Variants in TBC1D9 observed in about 807,000 individuals in gnomAD.
TBC1D9 encodes TBC1 domain family member 9A.
Under a neutral mutation model 132.0 loss-of-function variants are expected in TBC1D9, and 63 were observed. That is an observed-to-expected ratio of 0.48 (90% CI 0.39 to 0.59). The LOEUF is 0.59. TBC1D9 is among the 20% of genes least tolerant of loss of function. TBC1D9 has a pLI of 0.00. For missense variants in TBC1D9, 1,261 were observed against 1,592.7 expected, an observed-to-expected ratio of 0.79 and a Z score of 3.54; for synonymous variants, 610 against 609.9, an observed-to-expected ratio of 1.00 and a Z score of 0.00.
At chr4:140,677,208 T>C in intron 5 of TBC1D9, 107 bp from the exon 6 acceptor site, 1 of 1,275,926 alleles carries the variant, frequency 7.8e-7, no homozygotes, top group Non-Finnish European at 1.1e-6. Flanking sequence ...TCAATCTTGC[T>C]AGACTCATCC....
At chr4:140,677,331 T>G (rs776484156) in intron 5 of TBC1D9, among the ~76,000 whole-genome samples, 7 of 152,172 alleles carry the variant, frequency 4.6e-5, no homozygotes, top group Non-Finnish European at 8.8e-5. Context: ...ATAATCCATG[T>G]CTGTAAATGT....
chr4:140,690,790 G>A (rs1457323779), intron 2 of TBC1D9, among the ~76,000 whole-genome samples: 3 of 152,152 alleles, frequency 2.0e-5, no homozygotes, highest in Non-Finnish European at 4.4e-5. Flanking sequence ...CTGGTGTGAC[G>A]ACTTGGTAAA....
chr4:140,677,186 T>C, intron 5 of TBC1D9, 85 bp from the exon 6 acceptor site: 1 of 1,491,268 alleles, frequency 6.7e-7, no homozygotes, highest in Non-Finnish European at 9.2e-7. Context: ...CCCCAGCCCA[T>C]TTTCCACCTC....
At chr4:140,746,967 G>C (rs1182394769) in intron 1 of TBC1D9, among the ~76,000 whole-genome samples, 1 of 151,934 alleles carries the variant, frequency 6.6e-6, no homozygotes, top group Non-Finnish European at 1.5e-5. Context: ...AGGATTTTGA[G>C]ACCAGCCTGG....
At chr4:140,752,583 C>A (rs1318220774) in intron 1 of TBC1D9, among the ~76,000 whole-genome samples, 1 of 151,870 alleles carries the variant, frequency 6.6e-6, no homozygotes, top group African/African-American at 2.4e-5. Flanking sequence ...GTGTTGGTTG[C>A]CAAGTGTTCA....
chr4:140,624,142 C>A lies in TBC1D9; in HGVS notation c.3052G>T (p.Ala1018Ser), dbSNP rs1428320101. Residue 1018 changes from alanine to serine, a missense_variant, in exon 20 of 21, where the codon GCA becomes TCA. Physicochemically the swap from Ala to Ser is moderately conservative, Grantham distance 99. This residue lies in a region of TBC1D9 where 618 missense variants were observed against 724.4 expected (regional missense o/e 0.85). Coordinates refer to ENST00000442267, the MANE Select transcript of TBC1D9 (RefSeq NM_015130.3). The part of the protein sequence containing the change: ...TPENKSKSKN[A>S]KDLPKLNQGQ... ...TGATTTAATTTGGGTAAATCCTTTG[C>A]ATTCTTTGACTTAGATTTATTTTCT... The A allele has an allele frequency of 9.9e-6, 16 of 1,609,756 alleles. No individual in the cohort carries two copies. Among genetic ancestry groups the A allele is most frequent in the Non-Finnish European group, 1.1e-5 (13 of 1,177,608 alleles).
chr4:140,641,988 G>C (rs1737006555), intron 13 of TBC1D9: 1 of 586,796 alleles, frequency 1.7e-6, no homozygotes, highest in African/African-American at 1.9e-5. Flanking sequence ...AAGAGTCGCT[G>C]AAGGAGGAAT....
At chr4:140,631,440 C>T (rs901393926) in intron 16 of TBC1D9, among the ~76,000 whole-genome samples, 1 of 152,102 alleles carries the variant, frequency 6.6e-6, no homozygotes, top group Non-Finnish European at 1.5e-5. Context: ...CCAGGATGGT[C>T]TTGATCTCCT....
intron 1 of TBC1D9, among the ~76,000 whole-genome samples, chr4:140,716,496 GAAAA>G (rs964142176): frequency 6.7e-6 from 1 of 149,786 alleles, no homozygotes; most frequent in Non-Finnish European, 1.5e-5. Flanking sequence ...TCTCAAAAAA[GAAAA>G]AAAAATATCA....
rs766253993 is a variant in TBC1D9 at position 140,668,978 on chromosome 4, C to T, written c.1527G>A (p.Arg509=). The T allele has an allele frequency of 9.9e-6, 16 of 1,613,864 alleles. No homozygotes were observed. Among genetic ancestry groups the T allele is most frequent in the South Asian group, 3.3e-5 (3 of 91,078 alleles). ...GICMYRTEKT[R]ELVLKGIPES... ...CCGGGATGCCCTTCAACACCAGCTC[C>T]CGCGTTTTCTCTGTGCGGTACATGC... Residue 509 remains arginine, a synonymous_variant, in exon 9 of 21, where the codon CGG becomes CGA. Coordinates refer to ENST00000442267, the MANE Select transcript of TBC1D9 (RefSeq NM_015130.3).
At position 140,621,060 on chromosome 4, in the gene TBC1D9, C is replaced by G. The variant is rs1560862103; in HGVS notation, c.*1135G>C. 6.6e-6 allele frequency: 1 copy of G among 152,504 alleles called. No homozygotes were observed. Among genetic ancestry groups the G allele is most frequent in the Non-Finnish European group, 1.5e-5 (1 of 68,000 alleles). The allele number at this position is 152,504 out of a possible 1,614,324, so 9.4% of individuals were successfully genotyped here. A position where few individuals can be genotyped will look rare whatever the true frequency, so the allele number is the denominator to read the frequency against. On this transcript the variant is annotated 3_prime_UTR_variant, in exon 21 of 21. Transcript: ENST00000442267. ...AATCATAACAGTAATAAAAAAGAAG[C>G]AAGAATTCAAAGTGCAGGTGCGCTA...
intron 1 of TBC1D9, among the ~76,000 whole-genome samples, chr4:140,722,206 A>G (rs147616764): frequency 1.3e-5 from 2 of 152,316 alleles, no homozygotes; most frequent in African/African-American, 4.8e-5. Context: ...GGAAAGGAAC[A>G]TGCCTGAGAA....
At chr4:140,750,599 T>G (rs1019772558) in intron 1 of TBC1D9, among the ~76,000 whole-genome samples, 1 of 151,652 alleles carries the variant, frequency 6.6e-6, no homozygotes, top group Non-Finnish European at 1.5e-5. Context: ...GCTTAAAACC[T>G]CTACACAGAA....
chr4:140,682,678 G>A (rs1355578595), intron 3 of TBC1D9, among the ~76,000 whole-genome samples: 1 of 152,130 alleles, frequency 6.6e-6, no homozygotes, highest in African/African-American at 2.4e-5. Flanking sequence ...TGGGCCTCCA[G>A]GGAATCACCA....
intron 9 of TBC1D9, among the ~76,000 whole-genome samples, chr4:140,667,223 A>G (rs1447577629): frequency 5.9e-5 from 9 of 152,164 alleles, no homozygotes; most frequent in African/African-American, 2.2e-4. Flanking sequence ...TCACCCCAAC[A>G]GAGGGCCGTG....
chr4:140,674,692 T>TA (rs33953361), intron 6 of TBC1D9, among the ~76,000 whole-genome samples: 7,840 of 131,578 alleles, frequency 0.06, 562 homozygotes, highest in African/African-American at 0.19. Flanking sequence ...TATATATATA[T>TA]TTTTTTTTAA....
At chr4:140,664,051 A>C (rs531324508) in intron 9 of TBC1D9, among the ~76,000 whole-genome samples, 1 of 151,600 alleles carries the variant, frequency 6.6e-6, no homozygotes, top group South Asian at 2.1e-4. Context: ...AAAAAAAAAA[A>C]AAAAACAAGA....
chr4:140,716,825 T>C (rs1333220146), intron 1 of TBC1D9, among the ~76,000 whole-genome samples: 6 of 151,382 alleles, frequency 4.0e-5, no homozygotes, highest in African/African-American at 1.5e-4. Flanking sequence ...CCTAGTTCCT[T>C]AAAGCAAAAA....
At chr4:140,755,719 G>T (rs2111090817) in intron 1 of TBC1D9, among the ~76,000 whole-genome samples, 197 bp downstream of exon 1, 1 of 152,306 alleles carries the variant, frequency 6.6e-6, no homozygotes, top group East Asian at 1.9e-4. Flanking sequence ...AGGGCCCCAA[G>T]CCTGACAGAG....
Sources: gnomAD v4.1 joint callset for allele counts (sites outside exome capture counted in the v4.1 genomes callset) on GRCh38, gnomAD v4.1.1 for gene constraint, gnomAD v4.1.1 regional missense constraint, MANE v1.5 for transcripts, NCBI Gene and HGNC (gene_info 2026-07-23, HGNC 2026-07-21) for gene names.